The following CCDC33 variants were observed in gnomAD, a reference collection of about 807,000 sequenced individuals.
CCDC33 encodes the protein coiled-coil domain containing 33.
In CCDC33, 94 loss-of-function variants were observed where a neutral mutation model predicts 91.9. That is an observed-to-expected ratio of 1.02 (90% CI 0.87 to 1.21). The LOEUF (loss-of-function observed/expected upper bound fraction) is 1.21. Among genes scored for constraint, CCDC33 ranks in the 50% most tolerant of loss-of-function variants. The pLI is 0.00. For missense variants in CCDC33, 940 were observed against 935.5 expected (o/e 1.00, Z -0.06); for synonymous variants, 396 against 374.5 (o/e 1.06, Z -0.66).
intron 1 of CCDC33, among the ~76,000 whole-genome samples, chr15:74,205,002 C>T (rs966868249): frequency 1.3e-5 from 2 of 152,132 alleles, no homozygotes; most frequent in African/African-American, 2.4e-5. Context: ...CTCTGCCTTC[C>T]CCAGGCTGGT....
At chr15:74,278,572 GCTGGGCCTCCCC>G (rs1555413476) in intron 7 of CCDC33, among the ~76,000 whole-genome samples, 1 of 152,236 alleles carries the variant, frequency 6.6e-6, no homozygotes, top group Non-Finnish European at 1.5e-5. Flanking sequence ...CTTGGCAGAT[GCTGGGCCTCCCC>G]CTGGAGTCTC....
intron 7 of CCDC33, among the ~76,000 whole-genome samples, chr15:74,278,191 G>A (rs961127360): frequency 6.6e-6 from 1 of 152,228 alleles, no homozygotes; most frequent in Non-Finnish European, 1.5e-5. Flanking sequence ...CTCCCCAGGG[G>A]CAGGGGCAGA....
chr15:74,307,216 T>C (rs976064370), intron 11 of CCDC33, among the ~76,000 whole-genome samples: 3 of 152,168 alleles, frequency 2.0e-5, no homozygotes, highest in African/African-American at 2.4e-5. Context: ...CAGGAGCGAC[T>C]GGGAGAAAGA....
At chr15:74,266,326 G>A (rs2076164858) in intron 3 of CCDC33, among the ~76,000 whole-genome samples, 1 of 152,182 alleles carries the variant, frequency 6.6e-6, no homozygotes, top group Non-Finnish European at 1.5e-5. Flanking sequence ...TGCTATGCCT[G>A]CTTGCCTGTG....
chr15:74,217,421 G>C, exon 1 of CCDC33: 1 of 1,289,838 alleles, frequency 7.8e-7, no homozygotes, highest in Non-Finnish European at 1.0e-6. Context: ...TGTCAGCAGA[G>C]AACCCCCTGC....
intron 2 of CCDC33, among the ~76,000 whole-genome samples, chr15:74,248,947 T>C (rs958638877): frequency 9.9e-5 from 15 of 152,148 alleles, no homozygotes; most frequent in African/African-American, 3.6e-4. Flanking sequence ...AAATAATGTA[T>C]ACAGTGGTCC....
chr15:74,288,757 C>T (rs2059527481), intron 10 of CCDC33, among the ~76,000 whole-genome samples: 1 of 152,250 alleles, frequency 6.6e-6, no homozygotes, highest in Non-Finnish European at 1.5e-5. Flanking sequence ...CAACCCCAAG[C>T]TCCAGGTCAT....
intron 11 of CCDC33, among the ~76,000 whole-genome samples, chr15:74,315,400 G>A (rs148106100): frequency 7.9e-5 from 12 of 152,272 alleles, no homozygotes; most frequent in African/African-American, 2.4e-4. Flanking sequence ...CCCAGGGTCC[G>A]GAGTGGTGGT....
intron 2 of CCDC33, among the ~76,000 whole-genome samples, chr15:74,227,974 C>A (rs1180834986): frequency 6.6e-6 from 1 of 151,928 alleles, no homozygotes; most frequent in African/African-American, 2.4e-5. Flanking sequence ...GATTCACAGC[C>A]TTGGAGGCGG....
At chr15:74,335,189 G>C in intron 18 of CCDC33, 101 bp downstream of exon 18, 2 of 918,264 alleles carry the variant, frequency 2.2e-6, no homozygotes, top group Non-Finnish European at 3.7e-6. Context: ...CCATTGTGGA[G>C]CCAACTCCAG....
intron 1 of CCDC33, among the ~76,000 whole-genome samples, chr15:74,239,844 A>G (rs1287386022): frequency 1.3e-5 from 2 of 152,014 alleles, no homozygotes; most frequent in Non-Finnish European, 2.9e-5. Flanking sequence ...GGGGTACCCC[A>G]TCACCCCCAG....
rs543078021 is a variant in CCDC33, at chr15:74,314,613, G to A, written c.1291-15576G>A. Among the ~76,000 whole-genome samples the A allele has an allele frequency of 4.6e-5, 7 of 152,304 alleles. No homozygotes were observed. In the East Asian group the frequency reaches 1.4e-3, roughly 29 times the overall value. On this transcript the variant is annotated intron_variant, in intron 11 of 18. Coordinates refer to ENST00000398814, the MANE Select transcript of CCDC33 (RefSeq NM_025055.5). ...CCCCCTAGTCTGGACCCATCCCAGG[G>A]CCCCTCTGTGAACATCACTGGCATC...
At chr15:74,333,998 G>T in intron 17 of CCDC33, 31 bp downstream of exon 17, 1 of 1,571,258 alleles carries the variant, frequency 6.4e-7, no homozygotes, top group South Asian at 1.1e-5. Context: ...GATGAGGCTG[G>T]ATCAGGCTCA....
chr15:74,236,634 C>G lies in CCDC33; in HGVS notation c.-86C>G, dbSNP rs1595910343. 7.6e-6 allele frequency: 10 copies of G among 1,314,846 alleles called. No individual in the cohort carries two copies. The highest frequency in any genetic ancestry group is 1.9e-4 in the Middle Eastern group (1 of 5,362). 81.4% of individuals were successfully genotyped at this position (1,314,846 alleles called of 1,614,324 possible). A position where few individuals can be genotyped will look rare whatever the true frequency, so the allele number is the denominator to read the frequency against. On this transcript the variant is annotated 5_prime_UTR_variant, in exon 1 of 19. Coordinates refer to ENST00000398814, the MANE Select transcript of CCDC33 (RefSeq NM_025055.5). ...AAGACGCCCAGGCCAGCTGTCTGGG[C>G]AGGACTGATTCCTGATCACCCACTG...
chr15:74,204,407 C>T (rs73432342), intron 1 of CCDC33, among the ~76,000 whole-genome samples: 6 of 152,322 alleles, frequency 3.9e-5, no homozygotes, highest in Admixed American at 6.5e-5. Context: ...CCTATACAGG[C>T]GGCTGCTGTG....
At chr15:74,210,713 C>T (rs529677533) in intron 2 of CCDC33, among the ~76,000 whole-genome samples, 54 of 152,304 alleles carry the variant, frequency 3.5e-4, no homozygotes, top group African/African-American at 1.2e-3. Flanking sequence ...AATTTGATTC[C>T]GTCCCCAGCC....
chr15:74,290,844 G>A (rs1258934385), intron 10 of CCDC33, among the ~76,000 whole-genome samples: 1 of 152,178 alleles, frequency 6.6e-6, no homozygotes, highest in Non-Finnish European at 1.5e-5. Flanking sequence ...GATTTCATCT[G>A]TGTTGGAAAG....
chr15:74,310,845 TG>T (rs1192393744), intron 11 of CCDC33, among the ~76,000 whole-genome samples: 1 of 150,942 alleles, frequency 6.6e-6, no homozygotes, highest in Non-Finnish European at 1.5e-5. Context: ...GCAGGGGAGG[TG>T]GGGGGCTCTG....
At chr15:74,249,030 C>T (rs560274944) in intron 2 of CCDC33, among the ~76,000 whole-genome samples, 329 of 152,306 alleles carry the variant, frequency 2.2e-3, no homozygotes, top group Non-Finnish European at 3.6e-3. Flanking sequence ...ATACTAGGCC[C>T]CTGCTTGGAT....
Sources: gnomAD v4.1 joint callset for allele counts (sites outside exome capture counted in the v4.1 genomes callset) on GRCh38, gnomAD v4.1.1 for gene constraint, MANE v1.5 for transcripts, NCBI Gene and HGNC (gene_info 2026-07-23, HGNC 2026-07-21) for gene names.